GXYLT1: variants seen among roughly 807,000 people sequenced by gnomAD.
GXYLT1 encodes glycosyltransferase 8 domain containing 3.
A neutral mutation model predicts 54.0 loss-of-function variants in GXYLT1; 29 were observed. The observed-to-expected ratio is 0.54, with a 90% CI of 0.40 to 0.73. The LOEUF is 0.73. GXYLT1 is among the 30% of genes least tolerant of loss of function. The pLI, the probability that GXYLT1 is intolerant of heterozygous loss-of-function variation, is 0.00. For synonymous variants in GXYLT1, 176 were observed against 204.1 expected, an observed-to-expected ratio of 0.86 and a Z score of 1.17; for missense variants, 490 against 553.4, an observed-to-expected ratio of 0.89 and a Z score of 1.15.
chr12:42,138,409 ACTG>A (rs1438581893), intron 1 of GXYLT1, among the ~76,000 whole-genome samples: 1 of 152,192 alleles, frequency 6.6e-6, no homozygotes, highest in Non-Finnish European at 1.5e-5. Context: ...TAGGAAAAGG[ACTG>A]CTTATATATA....
chr12:42,141,166 G>T (rs2065650546), intron 1 of GXYLT1, among the ~76,000 whole-genome samples: 1 of 152,150 alleles, frequency 6.6e-6, no homozygotes, highest in Admixed American at 6.5e-5. Flanking sequence ...AACACTGACT[G>T]GTCCACAAAC....
At chr12:42,116,853 C>G (rs1393705699) in intron 3 of GXYLT1, among the ~76,000 whole-genome samples, 1 of 152,056 alleles carries the variant, frequency 6.6e-6, no homozygotes, top group Non-Finnish European at 1.5e-5. Context: ...GCACTATTCA[C>G]AATAGCAAAG....
At chr12:42,144,354 G>T in intron 1 of GXYLT1, 72 bp downstream of exon 1, 1 of 1,024,898 alleles carries the variant, frequency 9.8e-7, no homozygotes. Context: ...CCGGCGAGCA[G>T]CCCGGGCTAG....
At chr12:42,109,523 TAAAAAAA>T in intron 4 of GXYLT1, 36 bp downstream of exon 4, 4 of 1,131,438 alleles carry the variant, frequency 3.5e-6, no homozygotes, top group South Asian at 4.6e-5. Flanking sequence ...GGTTCAAATT[TAAAAAAA>T]AAAAAAAAAA....
Position 42,114,199 on chromosome 12 carries a change from T to C in GXYLT1, c.487-4508A>G, listed in dbSNP as rs969334473. Among the ~76,000 whole-genome samples the C allele has an allele frequency of 5.0e-4, 76 of 151,914 alleles. 1 individual carries two copies. Among genetic ancestry groups the C allele is most frequent in the Admixed American group, 8.5e-4 (13 of 15,246 alleles). On this transcript the variant is annotated intron_variant, in intron 3 of 7. Coordinates refer to ENST00000398675, the MANE Select transcript of GXYLT1 (RefSeq NM_173601.2). ...GCAGGAAAGGTCTAAAATTGACACC[T>C]TAACATCACAATTAAAAGAGCTAGA... is the stretch of plus-strand genomic sequence containing the variant.
At chr12:42,106,841 G>A (rs1367743545) in intron 4 of GXYLT1, among the ~76,000 whole-genome samples, 6 of 150,736 alleles carry the variant, frequency 4.0e-5, no homozygotes, top group Non-Finnish European at 7.4e-5. Flanking sequence ...TACCTCCTGG[G>A]TTCTAGGCAT....
intron 7 of GXYLT1, among the ~76,000 whole-genome samples, chr12:42,097,020 A>C (rs2065359494): frequency 6.6e-6 from 1 of 152,200 alleles, no homozygotes; most frequent in Non-Finnish European, 1.5e-5. Flanking sequence ...AAATATGCCA[A>C]TGTCATATAA....
intron 1 of GXYLT1, among the ~76,000 whole-genome samples, chr12:42,142,794 C>T (rs1468628705): frequency 6.6e-6 from 1 of 152,062 alleles, no homozygotes; most frequent in Non-Finnish European, 1.5e-5. Flanking sequence ...GTTCCCCTGC[C>T]CAAATGGTTT....
intron 3 of GXYLT1, among the ~76,000 whole-genome samples, chr12:42,114,746 T>C (rs921824641): frequency 7.2e-5 from 11 of 151,786 alleles, no homozygotes; most frequent in African/African-American, 1.9e-4. Context: ...TTCCAATCAA[T>C]AGAAAAAGAA....
At position 42,144,635 on chromosome 12, in the gene GXYLT1, G is replaced by T; in HGVS notation, c.12C>A (p.Tyr4Ter). The T allele has an allele frequency of 6.9e-7, 1 of 1,454,288 alleles. No homozygotes were observed. The highest frequency in any genetic ancestry group is 9.1e-7 in the Non-Finnish European group (1 of 1,100,682). The allele number at this position is 1,454,288 out of a possible 1,614,324, so 90.1% of individuals were successfully genotyped here. The change falls in exon 1 of 8, where the codon TAC becomes TAA. Residue 4 changes from tyrosine (Y) to a stop codon, truncating the protein, a stop_gained. Coordinates refer to ENST00000398675, the MANE Select transcript of GXYLT1 (RefSeq NM_173601.2). LOFTEE classifies it high-confidence loss of function. Reference sequence around the variant, plus strand: ...CCACACACAGCACCACGACGCGCAGGTAGCGCCGCATCGCCCCGGCCGCGC... The same window carrying T: ...CCACACACAGCACCACGACGCGCAGTTAGCGCCGCATCGCCCCGGCCGCGC... MRR[Y>*]LRVVVLCVAC... is the part of the protein sequence containing the mutation.
chr12:42,135,831 A>C (rs2065616651), intron 1 of GXYLT1, among the ~76,000 whole-genome samples: 2 of 152,210 alleles, frequency 1.3e-5, no homozygotes, highest in African/African-American at 2.4e-5. Context: ...TACTGGATAC[A>C]GGGTTTCTTT....
intron 3 of GXYLT1, among the ~76,000 whole-genome samples, chr12:42,118,362 A>G (rs1015122325): frequency 6.6e-6 from 1 of 152,202 alleles, no homozygotes; most frequent in East Asian, 1.9e-4. Flanking sequence ...TCTCAGTCCT[A>G]TGACTAAACA....
chr12:42,091,734 T>A (rs981518234), intron 7 of GXYLT1, among the ~76,000 whole-genome samples: 5 of 152,236 alleles, frequency 3.3e-5, no homozygotes, highest in African/African-American at 1.2e-4. Context: ...ACTAGAACTG[T>A]AGCCTACAAT....
intron 1 of GXYLT1, among the ~76,000 whole-genome samples, chr12:42,141,398 T>G (rs991538774): frequency 6.6e-6 from 1 of 152,232 alleles, no homozygotes; most frequent in Non-Finnish European, 1.5e-5. Flanking sequence ...TTGCTTGAGA[T>G]AGTTTTACTG....
In GXYLT1 at chr12:42,108,559, CTT is replaced by C. The variant is rs546270183; in HGVS notation, c.612+1005_612+1006del. Among the ~76,000 whole-genome samples, 699 of 149,566 alleles carry C rather than the reference CTT, an allele frequency of 4.7e-3. 7 individuals are homozygous for C. Among genetic ancestry groups the C allele is most frequent in the African/African-American group, 0.016 (639 of 40,852 alleles). ...CAAAACCTACGTGAAGTATCTAAAA[CTT>C]TTTTTTTTAACCAATCTTAATCCCT... is the stretch of plus-strand genomic sequence containing the variant. On this transcript the variant is annotated intron_variant, in intron 4 of 7. Coordinates refer to ENST00000398675, the MANE Select transcript of GXYLT1 (RefSeq NM_173601.2).
At chr12:42,089,841 T>C (rs1188985447) in intron 7 of GXYLT1, among the ~76,000 whole-genome samples, 1 of 152,308 alleles carries the variant, frequency 6.6e-6, no homozygotes, top group East Asian at 1.9e-4. Flanking sequence ...TGTAGCCAGG[T>C]TGAAGAAGGT....
chr12:42,107,648 G>A (rs764392367), intron 4 of GXYLT1, among the ~76,000 whole-genome samples: 12 of 151,932 alleles, frequency 7.9e-5, no homozygotes, highest in Admixed American at 4.6e-4. Flanking sequence ...CCAAGACTGC[G>A]CCAGTACACT....
rs148823853 is a variant in GXYLT1 at position 42,116,685 on chromosome 12, G to C, written c.486+2315C>G. ...ACACTTTGACACTGTTGGTGGGACT[G>C]TAAACTAGTTCAGCCATTGTGGAAG... On this transcript the variant is annotated intron_variant, in intron 3 of 7. Coordinates refer to ENST00000398675, the MANE Select transcript of GXYLT1 (RefSeq NM_173601.2). Among the ~76,000 whole-genome samples the C allele has an allele frequency of 4.8e-3, 735 of 152,346 alleles. 29 individuals are homozygous for C. In the East Asian group the frequency reaches 0.075, roughly 15 times the overall value.
intron 1 of GXYLT1, among the ~76,000 whole-genome samples, chr12:42,138,998 A>T (rs1592129223): frequency 6.6e-6 from 1 of 151,914 alleles, no homozygotes; most frequent in African/African-American, 2.4e-5. Context: ...AGATCATGCC[A>T]CTGCACTCCA....
Sources: allele counts gnomAD v4.1 joint callset (sites outside exome capture counted in the v4.1 genomes callset), GRCh38; gene constraint gnomAD v4.1.1; transcripts MANE v1.5; gene names NCBI Gene and HGNC (gene_info 2026-07-23, HGNC 2026-07-21).